Variants in ATP2B2 observed in about 807,000 individuals in gnomAD.
The protein encoded by ATP2B2 is plasma membrane calcium-transporting ATPase 2.
In ATP2B2, 15 loss-of-function variants were observed where a neutral mutation model predicts 120.0. The observed-to-expected ratio is 0.12, with a 90% CI of 0.08 to 0.19. The LOEUF is 0.19. Among genes scored for constraint, ATP2B2 ranks in the 10% least tolerant of loss-of-function variants. The pLI, the probability that ATP2B2 is intolerant of heterozygous loss-of-function variation, is 1.00. For missense variants in ATP2B2, 1,045 were observed against 1,719.8 expected, an observed-to-expected ratio of 0.61 and a Z score of 6.94; for synonymous variants, 694 against 700.3, an observed-to-expected ratio of 0.99 and a Z score of 0.14.
chr3:10,481,710 C>A (rs895389144), intron 1 of ATP2B2, among the ~76,000 whole-genome samples: 2 of 152,092 alleles, frequency 1.3e-5, no homozygotes, highest in Non-Finnish European at 2.9e-5. Context: ...CCCGCCACCA[C>A]GCCCAGCTAA....
intron 12 of ATP2B2, among the ~76,000 whole-genome samples, chr3:10,366,667 T>C (rs1356955903): frequency 1.3e-5 from 2 of 152,096 alleles, no homozygotes; most frequent in African/African-American, 2.4e-5. Flanking sequence ...AGAACAGACA[T>C]GGGCAGAACA....
chr3:10,349,261 T>A (rs141611219), intron 16 of ATP2B2, among the ~76,000 whole-genome samples: 1 of 152,220 alleles, frequency 6.6e-6, no homozygotes, highest in Non-Finnish European at 1.5e-5. Flanking sequence ...GCAACCAGCC[T>A]GGGCAATATA....
At chr3:10,530,261 C>A (rs1281931990) in intron 3 of ATP2B2, among the ~76,000 whole-genome samples, 1 of 152,210 alleles carries the variant, frequency 6.6e-6, no homozygotes, top group African/African-American at 2.4e-5. Context: ...AGGCCCTAAG[C>A]TGGGCATATC....
In ATP2B2 at chr3:10,328,673, G is replaced by A. The variant is rs1349579171; in HGVS notation, c.*141C>T. On this transcript the variant is annotated 3_prime_UTR_variant, in exon 23 of 23. Coordinates refer to ENST00000360273, the MANE Select transcript of ATP2B2 (RefSeq NM_001001331.4). ...AGAGAAAGGGTCTGTGGGTGGAAACGTTGGTTTTCTCTCCAGTATTTGGTT... is the reference window on the plus strand; with the variant it reads ...AGAGAAAGGGTCTGTGGGTGGAAACATTGGTTTTCTCTCCAGTATTTGGTT... 20 of 824,526 alleles carry A rather than the reference G, an allele frequency of 2.4e-5. No homozygotes were observed. The highest frequency in any genetic ancestry group is 3.4e-4 in the Middle Eastern group (1 of 2,942). The allele number at this position is 824,526 out of a possible 1,614,324, so 51.1% of individuals were successfully genotyped here. A position where few individuals can be genotyped will look rare whatever the true frequency, so the allele number is the denominator to read the frequency against.
At chr3:10,379,319 A>G (rs2061466112) in intron 8 of ATP2B2, 35 bp from the exon 9 acceptor site, 3 of 1,608,494 alleles carry the variant, frequency 1.9e-6, no homozygotes, top group African/African-American at 2.7e-5. Context: ...ACAACAGAGA[A>G]CAGACAACAC....
intron 1 of ATP2B2, among the ~76,000 whole-genome samples, chr3:10,496,464 G>A (rs1175306852): frequency 2.0e-5 from 3 of 152,148 alleles, no homozygotes; most frequent in African/African-American, 7.2e-5. Context: ...CAGCTTTTTT[G>A]CTTCAAGGCA....
chr3:10,688,922 A>T (rs760424029), intron 1 of ATP2B2, among the ~76,000 whole-genome samples: 3 of 152,238 alleles, frequency 2.0e-5, no homozygotes, highest in Non-Finnish European at 4.4e-5. Context: ...CTTTCCCTCC[A>T]TGGTGCAGAT....
chr3:10,468,753 G>A (rs1029141929), intron 1 of ATP2B2, among the ~76,000 whole-genome samples: 1 of 152,194 alleles, frequency 6.6e-6, no homozygotes, highest in Non-Finnish European at 1.5e-5. Flanking sequence ...TGAAAGGCAG[G>A]TCTCGTCTTG....
chr3:10,616,225 G>A (rs1323114804), intron 2 of ATP2B2, among the ~76,000 whole-genome samples: 3 of 152,162 alleles, frequency 2.0e-5, no homozygotes. Context: ...TTTGGATATA[G>A]GGTTTTTAAA....
chr3:10,456,319 AT>A (rs1260489714), intron 1 of ATP2B2, among the ~76,000 whole-genome samples: 3 of 152,186 alleles, frequency 2.0e-5, no homozygotes, highest in African/African-American at 7.2e-5. Flanking sequence ...CTTAATATGT[AT>A]TTTTAAGGTC....
In ATP2B2 at chr3:10,356,024, G is replaced by A. The variant is rs1283984881; in HGVS notation, c.2136+2667C>T. Among the ~76,000 whole-genome samples the A allele has an allele frequency of 1.2e-4, 7 of 59,884 alleles. 2 individuals are homozygous for A. The highest frequency in any genetic ancestry group is 4.2e-4 in the African/African-American group (7 of 16,860). 39.3% of individuals were successfully genotyped at this position (59,884 alleles called of 152,430 possible). On this transcript the variant is annotated intron_variant, in intron 14 of 22. Coordinates refer to ENST00000360273, the MANE Select transcript of ATP2B2 (RefSeq NM_001001331.4). Reference sequence around the variant, plus strand: ...CGGGAGGCGGAGCTTGCAGTGAGCCGAGATCGCGCCACTGCACTCCAGCCT... The same window carrying A: ...CGGGAGGCGGAGCTTGCAGTGAGCCAAGATCGCGCCACTGCACTCCAGCCT...
intron 1 of ATP2B2, among the ~76,000 whole-genome samples, chr3:10,462,383 T>C (rs1448397921): frequency 6.6e-6 from 1 of 152,176 alleles, no homozygotes; most frequent in Non-Finnish European, 1.5e-5. Flanking sequence ...CTAACTCCTC[T>C]TCCTCCCCTC....
intron 1 of ATP2B2, among the ~76,000 whole-genome samples, chr3:10,674,816 C>A (rs2071202791): frequency 6.6e-6 from 1 of 152,230 alleles, no homozygotes; most frequent in South Asian, 2.1e-4. Flanking sequence ...CCACAACTCA[C>A]CCATCCCAGC....
Position 10,347,373 on chromosome 3 carries a change from A to C in ATP2B2, c.2405-1236T>G, listed in dbSNP as rs1574971810. On this transcript the variant is annotated intron_variant, in intron 16 of 22. Transcript: ENST00000360273. This position sits in a 1 kb window ranked among gnomAD's most constrained non-coding sequence, Gnocchi z 5.2. ...CCTCTGAGGATCCCTGCCTGCCCTT[A>C]ATCAGATCCATGTAACTCTATGTGC... 6.6e-6 allele frequency among the ~76,000 whole-genome samples: 1 copy of C among 152,236 alleles called. No individual in the cohort carries two copies. The highest frequency in any genetic ancestry group is 1.9e-4 in the East Asian group (1 of 5,174).
At chr3:10,366,620 T>C (rs908174913) in intron 12 of ATP2B2, among the ~76,000 whole-genome samples, 5 of 152,132 alleles carry the variant, frequency 3.3e-5, no homozygotes, top group African/African-American at 1.2e-4. Context: ...TCTAGTGAAG[T>C]AGAAAATGTA....
intron 2 of ATP2B2, among the ~76,000 whole-genome samples, chr3:10,582,032 G>A (rs1265693469): frequency 6.6e-6 from 1 of 152,218 alleles, no homozygotes; most frequent in Non-Finnish European, 1.5e-5. Context: ...TTAACACTGA[G>A]GCAGAGAGGT....
chr3:10,704,033 A>C (rs1303865248), intron 1 of ATP2B2, among the ~76,000 whole-genome samples: 2 of 152,050 alleles, frequency 1.3e-5, no homozygotes, highest in African/African-American at 4.8e-5. Flanking sequence ...GGCCACAGTA[A>C]AGGCTCTTAC....
At chr3:10,653,704 C>T (rs988635742) in intron 1 of ATP2B2, among the ~76,000 whole-genome samples, 10 of 152,186 alleles carry the variant, frequency 6.6e-5, no homozygotes, top group Non-Finnish European at 1.5e-4. Flanking sequence ...CACTCTATCT[C>T]CATAAGGCAT....
At chr3:10,685,128 A>C (rs1446813019) in intron 1 of ATP2B2, among the ~76,000 whole-genome samples, 1 of 152,144 alleles carries the variant, frequency 6.6e-6, no homozygotes, top group Non-Finnish European at 1.5e-5. Context: ...CATCTGTAAA[A>C]CGGGTGTGCT....
Sources: gnomAD v4.1 joint callset for allele counts (sites outside exome capture counted in the v4.1 genomes callset) on GRCh38, gnomAD v4.1.1 for gene constraint, Gnocchi (gnomAD v3.1) non-coding constraint, MANE v1.5 for transcripts, NCBI Gene and HGNC (gene_info 2026-07-23, HGNC 2026-07-21) for gene names.